PHC3: variants seen among roughly 807,000 people sequenced by gnomAD.
PHC3 encodes polyhomeotic homolog 3.
In PHC3, 13 loss-of-function variants were observed where a neutral mutation model predicts 107.4. The ratio of observed to expected loss-of-function variants is 0.12; its 90% CI spans 0.08 to 0.19. PHC3 has a LOEUF of 0.19. Among genes scored for constraint, PHC3 ranks in the 10% least tolerant of loss-of-function variants. The pLI is 1.00. For missense variants in PHC3, 992 were observed against 1,210.9 expected (o/e 0.82, Z 2.68); for synonymous variants, 456 against 427.4 (o/e 1.07, Z -0.83).
chr3:170,112,393 A>T lies in PHC3; in HGVS notation c.2353+967T>A, dbSNP rs962175668. Among the ~76,000 whole-genome samples the T allele has an allele frequency of 8.4e-4, 95 of 112,736 alleles. 2 individuals are homozygous for T. The highest frequency in any genetic ancestry group is 6.5e-3 in the Admixed American group (72 of 10,996). The allele number at this position is 112,736 out of a possible 152,430, so 74.0% of individuals were successfully genotyped here. A position where few individuals can be genotyped will look rare whatever the true frequency, so the allele number is the denominator to read the frequency against. ...GCCCAGCTAATTTATATATATATAT[A>T]TATTTTTTTTTAGTAGAGATGGGGT... On this transcript the variant is annotated intron_variant, in intron 11 of 14. Coordinates refer to ENST00000495893, the MANE Select transcript of PHC3 (RefSeq NM_024947.4).
intron 2 of PHC3, among the ~76,000 whole-genome samples, chr3:170,175,975 C>T (rs545774056): frequency 4.0e-5 from 6 of 150,472 alleles, no homozygotes; most frequent in African/African-American, 1.5e-4. Flanking sequence ...TGCCTGTGAT[C>T]CTAGCACTTT....
At chr3:170,164,221 A>AC (rs1241777923) in intron 4 of PHC3, among the ~76,000 whole-genome samples, 10 of 152,294 alleles carry the variant, frequency 6.6e-5, no homozygotes, top group African/African-American at 2.4e-4. Flanking sequence ...AAACAAACAA[A>AC]AAAATACAGG....
Position 170,178,828 on chromosome 3 carries a change from C to T in PHC3, c.125G>A (p.Arg42Gln), listed in dbSNP as rs201760850. ...GACAGAGATCTGTGGCTGCTGCATT[C>T]GAGAGGAGGAAGTGGTGATGGTGGT... ...TTTTITTSSS[R>Q]MQQPQISVYS... The change falls in exon 2 of 15, where the codon CGA becomes CAA. Residue 42 changes from arginine (R) to glutamine (Q), a missense_variant. By Grantham distance (43) the Arg-to-Gln change is conservative. Coordinates refer to ENST00000495893, the MANE Select transcript of PHC3 (RefSeq NM_024947.4). The T allele has an allele frequency of 3.7e-6, 6 of 1,613,802 alleles. No individual in the cohort carries two copies. The highest frequency in any genetic ancestry group is 2.2e-5 in the South Asian group (2 of 91,088).
intron 7 of PHC3, among the ~76,000 whole-genome samples, chr3:170,135,500 CACACAT>C (rs948593479): frequency 1.3e-5 from 2 of 149,434 alleles, no homozygotes; most frequent in South Asian, 2.1e-4. Flanking sequence ...CCCAGTGCAA[CACACAT>C]ACACATACAC....
At chr3:170,181,220 T>C (rs1412968597) in intron 1 of PHC3, among the ~76,000 whole-genome samples, 1 of 152,222 alleles carries the variant, frequency 6.6e-6, no homozygotes, top group East Asian at 1.9e-4. Flanking sequence ...GCCCCGCGTG[T>C]CGGATTCTCC....
rs138410529 is a variant in PHC3, at chr3:170,117,336, T to G, written c.2083A>C (p.Ser695Arg). The stretch of plus-strand genomic sequence containing the variant: ...TTGTTCTCTATACTGGGAATGCTAC[T>G]GTGCATAGATGTACTGTTACTCCTT... ...TTRSNSTSMH[S>R]SIPSIENKPP... The change falls in exon 10 of 15, where the codon AGT becomes CGT. Residue 695 changes from serine (S) to arginine (R), a missense_variant. By Grantham distance (110) the Ser-to-Arg change is moderately radical. Coordinates refer to ENST00000495893, the MANE Select transcript of PHC3 (RefSeq NM_024947.4). 1 of 1,613,976 alleles carries G rather than the reference T, an allele frequency of 6.2e-7. No homozygotes were observed. Among genetic ancestry groups the G allele is most frequent in the East Asian group, 2.2e-5 (1 of 44,858 alleles).
rs370543212 is a variant in PHC3 at position 170,125,297 on chromosome 3, G to A, written c.1789-2553C>T. 2.0e-5 allele frequency among the ~76,000 whole-genome samples: 3 copies of A among 151,938 alleles called. No homozygotes were observed. The East Asian group carries it at 5.8e-4, about 29-fold the overall frequency. ...AAAATCATTCTAAAAAGTGTCTGGG[G>A]GGTTAAGAAAAAAAATCTAGTCCCC... is the stretch of plus-strand genomic sequence containing the variant. On this transcript the variant is annotated intron_variant, in intron 8 of 14. Transcript: ENST00000495893.
chr3:170,167,160 A>G (rs1418542831), intron 4 of PHC3, among the ~76,000 whole-genome samples: 1 of 151,844 alleles, frequency 6.6e-6, no homozygotes, highest in African/African-American at 2.4e-5. Context: ...ATATATTTCT[A>G]TTTTTTTAGA....
At chr3:170,122,532 TTCCTATTATTAACATTTA>T in intron 9 of PHC3, 41 bp downstream of exon 9, 1 of 1,566,590 alleles carries the variant, frequency 6.4e-7, no homozygotes, top group East Asian at 2.2e-5. Flanking sequence ...AAATCAACTT[TTCCTATTATTAACATTTA>T]TCAAATAGAA....
chr3:170,153,882 G>A (rs1726446198), intron 4 of PHC3, among the ~76,000 whole-genome samples: 1 of 152,012 alleles, frequency 6.6e-6, no homozygotes, highest in Non-Finnish European at 1.5e-5. Context: ...GGTATGTGTA[G>A]TATCATGATC....
intron 11 of PHC3, among the ~76,000 whole-genome samples, chr3:170,112,972 AAAC>A (rs1718130176): frequency 6.6e-6 from 1 of 152,266 alleles, no homozygotes; most frequent in East Asian, 1.9e-4. Context: ...GTCTGAAACG[AAAC>A]AACCCAGAAG....
intron 11 of PHC3, among the ~76,000 whole-genome samples, chr3:170,107,754 T>TC: frequency 6.6e-6 from 1 of 152,258 alleles, no homozygotes; most frequent in East Asian, 1.9e-4. Context: ...TAATGGGTGC[T>TC]CCCTACTAAG....
chr3:170,145,507 G>C lies in PHC3; in HGVS notation c.588C>G (p.Pro196=), dbSNP rs778834032. ...ACTGTACAGCAGCCACAGTGGTAGC[G>C]GGTGTGAAAATCAGCTGTACAGACA... ...YLRAQMLIFT[P]ATTVAAVQSD... is the part of the protein sequence containing the mutation. The change falls in exon 6 of 15, where the codon CCC becomes CCG. Residue 196 remains proline (P), a synonymous_variant. Coordinates refer to ENST00000495893, the MANE Select transcript of PHC3 (RefSeq NM_024947.4). 1.9e-6 allele frequency: 3 copies of C among 1,611,994 alleles called. No homozygotes were observed. The highest frequency in any genetic ancestry group is 2.5e-6 in the Non-Finnish European group (3 of 1,178,682).
chr3:170,145,931 AC>A (rs1724859531), intron 5 of PHC3, among the ~76,000 whole-genome samples: 1 of 152,336 alleles, frequency 6.6e-6, no homozygotes, highest in African/African-American at 2.4e-5. Flanking sequence ...TCAGTGAGAA[AC>A]AAAAAGAAAC....
chr3:170,148,602 T>G (rs1201956335), intron 5 of PHC3: 1 of 152,508 alleles, frequency 6.6e-6, no homozygotes, highest in Non-Finnish European at 1.5e-5. Context: ...TCTGGGAGAC[T>G]ATCCGGAACT....
At chr3:170,147,456 T>C (rs938569414) in intron 5 of PHC3, 5 of 152,174 alleles carry the variant, frequency 3.3e-5, no homozygotes, top group Non-Finnish European at 7.3e-5. Context: ...CCTCCATACC[T>C]ATGGAAGGCT....
At chr3:170,126,530 T>A (rs145249703) in intron 8 of PHC3, among the ~76,000 whole-genome samples, 3,698 of 72,488 alleles carry the variant, frequency 0.051, 53 homozygotes, top group African/African-American at 0.083. Context: ...ATATATATAT[T>A]TTTTTTTTTT....
At chr3:170,114,662 T>C (rs1380086614) in intron 10 of PHC3, among the ~76,000 whole-genome samples, 1 of 152,212 alleles carries the variant, frequency 6.6e-6, no homozygotes, top group Non-Finnish European at 1.5e-5. Context: ...TCAGGAATAC[T>C]ACCTATTTTA....
At chr3:170,111,522 A>G (rs2108331392) in intron 11 of PHC3, among the ~76,000 whole-genome samples, 1 of 152,278 alleles carries the variant, frequency 6.6e-6, no homozygotes, top group African/African-American at 2.4e-5. Context: ...AAATGAATGA[A>G]GCTACTGTGG....
Sources: allele counts gnomAD v4.1 joint callset (sites outside exome capture counted in the v4.1 genomes callset), GRCh38; gene constraint gnomAD v4.1.1; transcripts MANE v1.5; gene names NCBI Gene and HGNC (gene_info 2026-07-23, HGNC 2026-07-21).